Variants in TRPM3 observed in about 807,000 individuals in gnomAD.
TRPM3 encodes long transient receptor potential channel 3.
In TRPM3, 77 loss-of-function variants were observed where a neutral mutation model predicts 181.2. That is an observed-to-expected ratio of 0.42 (90% CI 0.35 to 0.51). The LOEUF is 0.51. Ranked by LOEUF, TRPM3 falls within the 20% of genes least tolerant of loss-of-function variation. The pLI is 0.01. For missense variants in TRPM3, 1,759 were observed against 2,196.7 expected, an observed-to-expected ratio of 0.80 and a Z score of 3.98; for synonymous variants, 745 against 796.4, an observed-to-expected ratio of 0.94 and a Z score of 1.09.
intron 1 of TRPM3, among the ~76,000 whole-genome samples, chr9:71,362,490 C>G (rs911672113): frequency 3.3e-5 from 5 of 152,288 alleles, no homozygotes; most frequent in African/African-American, 1.2e-4. Flanking sequence ...CTGAAGGATA[C>G]TGTACAGTAA....
At chr9:71,030,748 G>C (rs1328559820) in intron 1 of TRPM3, among the ~76,000 whole-genome samples, 1 of 152,046 alleles carries the variant, frequency 6.6e-6, no homozygotes, top group African/African-American at 2.4e-5. Flanking sequence ...ATCTGTAAAA[G>C]CAAATTTATG....
At chr9:71,060,219 A>G (rs1250349848) in intron 1 of TRPM3, among the ~76,000 whole-genome samples, 3 of 152,106 alleles carry the variant, frequency 2.0e-5, no homozygotes, top group Admixed American at 6.5e-5. Context: ...GCTTTCTACC[A>G]TAACTGTGTT....
intron 1 of TRPM3, among the ~76,000 whole-genome samples, chr9:70,923,464 A>G (rs2096680095): frequency 1.3e-5 from 2 of 152,146 alleles, no homozygotes. Context: ...TTTAATAACA[A>G]ATGAATTTAT....
rs926978083 is a variant in TRPM3, at chr9:70,611,611, G to A, written c.2527-862C>T. ...CCCAGTCTCAGGTGGTATCTTTATG[G>A]CCATGTGAAAACGGGACTAAAACAG... On this transcript the variant is annotated intron_variant, in intron 18 of 25. Coordinates refer to ENST00000677713, the MANE Select transcript of TRPM3 (RefSeq NM_001366145.2). 3.9e-5 allele frequency among the ~76,000 whole-genome samples: 6 copies of A among 152,104 alleles called. No individual in the cohort carries two copies. In the East Asian group the frequency reaches 1.2e-3, roughly 29 times the overall value.
At chr9:71,444,211 C>A (rs2094174432) in intron 1 of TRPM3, among the ~76,000 whole-genome samples, 1 of 149,960 alleles carries the variant, frequency 6.7e-6, no homozygotes, top group South Asian at 2.1e-4. Flanking sequence ...TACAATCATT[C>A]CCCTTGAGGA....
At chr9:70,578,382 C>G (rs1439449726) in intron 22 of TRPM3, among the ~76,000 whole-genome samples, 2 of 151,662 alleles carry the variant, frequency 1.3e-5, no homozygotes, top group African/African-American at 2.4e-5. Flanking sequence ...TAGACTCCAC[C>G]TGGATTAGCA....
In TRPM3 at chr9:71,155,474, A is replaced by G. The variant is rs1458865729; in HGVS notation, c.184-290963T>C. Among the ~76,000 whole-genome samples, 4 of 60,574 alleles carry G rather than the reference A, an allele frequency of 6.6e-5. No homozygotes were observed. In the East Asian group the frequency reaches 2.0e-3, roughly 30 times the overall value. The allele number at this position is 60,574 out of a possible 152,430, so 39.7% of individuals were successfully genotyped here. On this transcript the variant is annotated intron_variant, in intron 1 of 24. Coordinates refer to the TRPM3 transcript ENST00000357533. Reference sequence around the variant, plus strand: ...GCTGAGATTACAGGCATGCACCACCATGCTTATTTTTATTTTATTTTATTT... The same window carrying G: ...GCTGAGATTACAGGCATGCACCACCGTGCTTATTTTTATTTTATTTTATTT...
At position 70,877,804 on chromosome 9, in the gene TRPM3, A is replaced by ACACACACACACAC. The variant is rs2095895292; in HGVS notation, c.178-13294_178-13293insGTGTGTGTGTGTG. On this transcript the variant is annotated intron_variant, in intron 1 of 25. Coordinates refer to ENST00000677713, the MANE Select transcript of TRPM3 (RefSeq NM_001366145.2). ...CCTAAGTGCAAAGAGAAAATCATAA[A>ACACACACACACAC]ACACACACACACACACACACACACA... 1.1e-4 allele frequency among the ~76,000 whole-genome samples: 16 copies of ACACACACACACAC among 146,112 alleles called. No individual in the cohort carries two copies. In the East Asian group the frequency reaches 2.6e-3, roughly 24 times the overall value.
chr9:70,753,029 C>T (rs1005352490), intron 8 of TRPM3, among the ~76,000 whole-genome samples: 4 of 152,068 alleles, frequency 2.6e-5, no homozygotes, highest in Non-Finnish European at 4.4e-5. Flanking sequence ...ATTGCTTGAA[C>T]TTGGGAGGTG....
chr9:71,142,465 T>C lies in TRPM3; in HGVS notation c.184-277954A>G, dbSNP rs137964789. ...GGTTTTGACTTTTTAATAAGAGCCA[T>C]TATTTTTTACATTTTCATATATACA... On this transcript the variant is annotated intron_variant, in intron 1 of 24. Coordinates refer to the TRPM3 transcript ENST00000357533. Among the ~76,000 whole-genome samples the C allele has an allele frequency of 2.6e-3, 399 of 152,258 alleles. 3 individuals are homozygous for C. Among genetic ancestry groups the C allele is most frequent in the Non-Finnish European group, 4.8e-3 (329 of 68,016 alleles).
chr9:71,051,663 A>G (rs2060077003), intron 1 of TRPM3, among the ~76,000 whole-genome samples: 1 of 152,158 alleles, frequency 6.6e-6, no homozygotes, highest in South Asian at 2.1e-4. Context: ...AGGCCAAAAT[A>G]TTATTTAGCC....
chr9:71,082,348 T>C (rs1177223998), intron 1 of TRPM3, among the ~76,000 whole-genome samples: 1 of 152,180 alleles, frequency 6.6e-6, no homozygotes, highest in East Asian at 1.9e-4. Flanking sequence ...ATGCCAATTT[T>C]CCTCACACTC....
At chr9:70,953,476 C>T (rs956275993) in intron 1 of TRPM3, among the ~76,000 whole-genome samples, 4 of 151,938 alleles carry the variant, frequency 2.6e-5, no homozygotes, top group Admixed American at 1.3e-4. Flanking sequence ...CATTGTCTTG[C>T]GTTTTTAAAT....
intron 1 of TRPM3, among the ~76,000 whole-genome samples, chr9:71,142,998 GA>G (rs1350939687): frequency 1.9e-4 from 27 of 145,296 alleles, no homozygotes; most frequent in Non-Finnish European, 4.0e-4. Flanking sequence ...AAAAAAGAAA[GA>G]AAAAAACAGG....
intron 1 of TRPM3, among the ~76,000 whole-genome samples, chr9:71,392,611 C>G (rs984576585): frequency 6.6e-6 from 1 of 152,032 alleles, no homozygotes; most frequent in African/African-American, 2.4e-5. Context: ...TAGTATCTTC[C>G]CCTATGCCTC....
At chr9:71,446,090 GTA>G (rs1222260253) in intron 1 of TRPM3, among the ~76,000 whole-genome samples, 2 of 152,210 alleles carry the variant, frequency 1.3e-5, no homozygotes, top group African/African-American at 4.8e-5. Context: ...TCTGAACGCT[GTA>G]TATGTTAAGC....
chr9:70,678,840 A>G (rs940796085), intron 9 of TRPM3, among the ~76,000 whole-genome samples: 4 of 152,390 alleles, frequency 2.6e-5, no homozygotes, highest in African/African-American at 7.2e-5. Context: ...TTTGAAACCA[A>G]TATAAGTAGG....
intron 1 of TRPM3, among the ~76,000 whole-genome samples, chr9:71,074,885 A>G (rs2063245738): frequency 6.6e-6 from 1 of 152,212 alleles, no homozygotes; most frequent in Non-Finnish European, 1.5e-5. Context: ...GGAGAAAAAA[A>G]CATTTTATCA....
intron 1 of TRPM3, among the ~76,000 whole-genome samples, chr9:71,176,669 C>T (rs2077119180): frequency 6.6e-6 from 1 of 152,100 alleles, no homozygotes; most frequent in South Asian, 2.1e-4. Context: ...CATTCACTCA[C>T]CACTCACCCA....
Sources: allele counts gnomAD v4.1 joint callset (sites outside exome capture counted in the v4.1 genomes callset), GRCh38; gene constraint gnomAD v4.1.1; transcripts MANE v1.5; gene names NCBI Gene and HGNC (gene_info 2026-07-23, HGNC 2026-07-21).